RPS6KA2: variants seen among roughly 807,000 people sequenced by gnomAD.
RPS6KA2 encodes ribosomal protein S6 kinase A2.
RPS6KA2 carries 42 observed loss-of-function variants against 91.8 expected under a neutral mutation model. The ratio of observed to expected loss-of-function variants is 0.46; its 90% CI spans 0.36 to 0.59. The LOEUF is 0.59. Among genes scored for constraint, RPS6KA2 ranks in the 20% least tolerant of loss-of-function variants. The pLI is 0.00. For missense variants in RPS6KA2, 798 were observed against 978.5 expected (o/e 0.82, Z 2.46); for synonymous variants, 414 against 393.6 (o/e 1.05, Z -0.61).
chr6:166,720,241 A>G (rs528322911), intron 2 of RPS6KA2, among the ~76,000 whole-genome samples: 2 of 152,338 alleles, frequency 1.3e-5, no homozygotes, highest in East Asian at 3.9e-4. Context: ...AATAACTACC[A>G]TTTAGTGAGC....
intron 12 of RPS6KA2, among the ~76,000 whole-genome samples, chr6:166,452,596 C>G (rs1378228664): frequency 2.0e-5 from 3 of 152,132 alleles, no homozygotes; most frequent in African/African-American, 7.2e-5. Context: ...GAGATAGTAA[C>G]TAAAATAGCA....
intron 2 of RPS6KA2, among the ~76,000 whole-genome samples, chr6:166,776,421 A>AT (rs974374421): frequency 6.6e-6 from 1 of 152,116 alleles, no homozygotes; most frequent in South Asian, 2.1e-4. Flanking sequence ...TTGTGTTTTA[A>AT]TTTTTTTTAT....
chr6:166,546,085 G>A (rs1783816229), intron 1 of RPS6KA2, among the ~76,000 whole-genome samples: 1 of 152,148 alleles, frequency 6.6e-6, no homozygotes, highest in Non-Finnish European at 1.5e-5. Context: ...GTATGGCTCC[G>A]TGACCCCTTC....
intron 2 of RPS6KA2, among the ~76,000 whole-genome samples, chr6:166,797,857 C>T (rs182701093): frequency 1.1e-3 from 173 of 152,202 alleles, no homozygotes; most frequent in African/African-American, 4.0e-3. Context: ...GGTGTAACCG[C>T]CGGGTCCAGA....
At chr6:166,532,855 G>C (rs1027956504) in intron 2 of RPS6KA2, among the ~76,000 whole-genome samples, 1 of 152,194 alleles carries the variant, frequency 6.6e-6, no homozygotes, top group Non-Finnish European at 1.5e-5. Context: ...GTGTGTGTGT[G>C]TGTGTGTGTG....
chr6:166,792,118 C>T (rs1430426423), intron 2 of RPS6KA2, among the ~76,000 whole-genome samples: 1 of 151,974 alleles, frequency 6.6e-6, no homozygotes, highest in Non-Finnish European at 1.5e-5. Flanking sequence ...TCATTGACCA[C>T]TAGCAAGACT....
At chr6:166,719,577 G>A (rs373341065) in intron 2 of RPS6KA2, among the ~76,000 whole-genome samples, 1 of 152,160 alleles carries the variant, frequency 6.6e-6, no homozygotes, top group Non-Finnish European at 1.5e-5. Context: ...CATCTATTTT[G>A]CATGGTCTTC....
intron 2 of RPS6KA2, among the ~76,000 whole-genome samples, chr6:166,764,668 G>A (rs1404129278): frequency 1.3e-5 from 2 of 152,088 alleles, no homozygotes; most frequent in Admixed American, 1.3e-4. Flanking sequence ...ACAGCCGGGT[G>A]CCCTCACTCT....
chr6:166,638,063 G>C (rs1302956888), intron 2 of RPS6KA2, among the ~76,000 whole-genome samples: 1 of 152,294 alleles, frequency 6.6e-6, no homozygotes, highest in Non-Finnish European at 1.5e-5. Context: ...CACCGCCTGT[G>C]TGAAAACAGC....
chr6:166,608,471 A>G (rs548298871), intron 1 of RPS6KA2, among the ~76,000 whole-genome samples: 1 of 152,330 alleles, frequency 6.6e-6, no homozygotes, highest in African/African-American at 2.4e-5. Flanking sequence ...CGCATGAAAA[A>G]AAAAATTCCC....
intron 2 of RPS6KA2, among the ~76,000 whole-genome samples, chr6:166,817,475 T>G (rs1393236753): frequency 6.6e-6 from 1 of 152,096 alleles, no homozygotes; most frequent in Non-Finnish European, 1.5e-5. Flanking sequence ...CATGTAAATT[T>G]TAAAACCTGT....
At chr6:166,754,832 T>C (rs951860243) in intron 2 of RPS6KA2, among the ~76,000 whole-genome samples, 2 of 152,136 alleles carry the variant, frequency 1.3e-5, no homozygotes, top group African/African-American at 4.8e-5. Flanking sequence ...TGTTTGACCA[T>C]TGTGGTCTCA....
intron 1 of RPS6KA2, among the ~76,000 whole-genome samples, chr6:166,579,209 T>C (rs1040983885): frequency 1.3e-4 from 20 of 152,358 alleles, no homozygotes; most frequent in African/African-American, 4.6e-4. Flanking sequence ...AGTTGTATTC[T>C]ATTTTCTGCA....
At position 166,789,947 on chromosome 6, in the gene RPS6KA2, C is replaced by T. The variant is rs539691708; in HGVS notation, c.123+68253G>A. On this transcript the variant is annotated intron_variant, in intron 2 of 21. Transcript: ENST00000503859. The stretch of plus-strand genomic sequence containing the variant: ...GCAGAAAACTGGAAACTCTAAAAAG[C>T]AGAGCGCCTCTCCTCCTCCAAAGGA... Among the ~76,000 whole-genome samples, 4 of 152,290 alleles carry T rather than the reference C, an allele frequency of 2.6e-5. No individual in the cohort carries two copies. The East Asian group carries it at 7.7e-4, about 29-fold the overall frequency.
chr6:166,424,277 C>T (rs887704081), intron 16 of RPS6KA2, among the ~76,000 whole-genome samples: 5 of 152,100 alleles, frequency 3.3e-5, no homozygotes, highest in African/African-American at 4.8e-5. Context: ...CAGAAAACAT[C>T]ATCCAAAGGG....
At chr6:166,841,875 A>C (rs537222806) in intron 2 of RPS6KA2, among the ~76,000 whole-genome samples, 2 of 152,210 alleles carry the variant, frequency 1.3e-5, no homozygotes, top group South Asian at 2.1e-4. Flanking sequence ...AATATTCTCT[A>C]ATCACCAATT....
intron 2 of RPS6KA2, among the ~76,000 whole-genome samples, chr6:166,735,469 T>C (rs7762526): frequency 0.37 from 55,923 of 152,040 alleles, 14,672 homozygotes; most frequent in African/African-American, 0.75. Context: ...ATTTATTGTG[T>C]ACTTTATTCC....
exon 2 of RPS6KA2, chr6:166,858,245 A>T (rs1562474499): frequency 2.6e-6 from 4 of 1,543,586 alleles, no homozygotes; most frequent in Admixed American, 1.7e-5. Context: ...CCAGGTTGAG[A>T]TCCTCCTCTG....
chr6:166,856,956 G>T (rs972263118), intron 2 of RPS6KA2, among the ~76,000 whole-genome samples: 1 of 152,242 alleles, frequency 6.6e-6, no homozygotes, highest in Admixed American at 6.5e-5. Context: ...CAGCTGGATC[G>T]CTGCGCAGCT....
Sources: gnomAD v4.1 joint callset for allele counts (sites outside exome capture counted in the v4.1 genomes callset) on GRCh38, gnomAD v4.1.1 for gene constraint, MANE v1.5 for transcripts, NCBI Gene and HGNC (gene_info 2026-07-23, HGNC 2026-07-21) for gene names.